THSD7B: variants seen among roughly 807,000 people sequenced by gnomAD.
THSD7B encodes the protein thrombospondin type 1 domain containing 7B, also known as thrombospondin type-1 domain-containing protein 7B.
In THSD7B, 138 loss-of-function variants were observed where a neutral mutation model predicts 213.6. The ratio of observed to expected loss-of-function variants is 0.65; its 90% confidence interval spans 0.56 to 0.74. The LOEUF (loss-of-function observed/expected upper bound fraction) is 0.74, where lower values mean the gene tolerates loss of function less well. THSD7B is among the 30% of genes least tolerant of loss of function. THSD7B has a pLI of 0.00. For synonymous variants in THSD7B, 742 were observed against 687.0 expected (o/e 1.08, Z -1.25); for missense variants, 1,931 against 1,991.5 (o/e 0.97, Z 0.58).
chr2:137,169,482 CCTT>C (rs1035864022), intron 6 of THSD7B, among the ~76,000 whole-genome samples: 2 of 151,908 alleles, frequency 1.3e-5, no homozygotes, highest in Non-Finnish European at 2.9e-5. Context: ...CCTAACTTGT[CCTT>C]CTCCCCTCCC....
At chr2:136,841,123 C>A (rs567437989) in intron 1 of THSD7B, among the ~76,000 whole-genome samples, 106 of 152,182 alleles carry the variant, frequency 7.0e-4, no homozygotes, top group African/African-American at 2.6e-3. Context: ...ATTTTACATA[C>A]CAGTAACTGG....
At chr2:137,428,905 G>A (rs1334164508) in intron 14 of THSD7B, among the ~76,000 whole-genome samples, 1 of 152,122 alleles carries the variant, frequency 6.6e-6, no homozygotes, top group Non-Finnish European at 1.5e-5. Flanking sequence ...TCATAAACAG[G>A]CTTGAGGGAA....
chr2:137,130,249 A>T (rs1688704677), intron 5 of THSD7B, among the ~76,000 whole-genome samples: 1 of 152,136 alleles, frequency 6.6e-6, no homozygotes, highest in Admixed American at 6.5e-5. Context: ...CACATAATGT[A>T]TGTCTAGTTT....
intron 12 of THSD7B, among the ~76,000 whole-genome samples, chr2:137,326,106 C>T (rs1684368960): frequency 6.6e-6 from 1 of 152,108 alleles, no homozygotes; most frequent in South Asian, 2.1e-4. Context: ...AGTTTGGATT[C>T]TTGACCTAGT....
chr2:137,449,736 A>ATC lies in THSD7B; in HGVS notation c.2960-1097_2960-1096dup, dbSNP rs897870543. Among the ~76,000 whole-genome samples the ATC allele has an allele frequency of 7.9e-5, 12 of 151,986 alleles. No homozygotes were observed. In the East Asian group the frequency reaches 1.2e-3, roughly 15 times the overall value. ...TTTCTTTTTCAAGGCCAGCAGGAGA[A>ATC]TCTCTCTCTCTCTACACAAAAGGAC... is the stretch of plus-strand genomic sequence containing the variant. On this transcript the variant is annotated intron_variant, in intron 14 of 27. Transcript: ENST00000409968.
In THSD7B at chr2:136,866,893, G is replaced by T. The variant is rs545160499; in HGVS notation, c.-35-15251G>T. 2.0e-5 allele frequency among the ~76,000 whole-genome samples: 3 copies of T among 152,170 alleles called. No homozygotes were observed. In the South Asian group the frequency reaches 6.2e-4, roughly 32 times the overall value. ...CAGCGTTTTGGAAGGAGCCTAATTG[G>T]TAATCAATTTTCCATATGTGTTTGA... On this transcript the variant is annotated intron_variant, in intron 1 of 27. Coordinates refer to ENST00000409968, the MANE Select transcript of THSD7B (RefSeq NM_001316349.2).
At chr2:137,576,342 T>C (rs1681460540) in intron 17 of THSD7B, among the ~76,000 whole-genome samples, 1 of 152,096 alleles carries the variant, frequency 6.6e-6, no homozygotes, top group Non-Finnish European at 1.5e-5. Flanking sequence ...AGCAAACCTG[T>C]TTGAACTTTG....
At chr2:137,282,536 AG>A (rs1240716167) in intron 12 of THSD7B, among the ~76,000 whole-genome samples, 31 of 152,142 alleles carry the variant, frequency 2.0e-4, no homozygotes, top group Non-Finnish European at 3.5e-4. Flanking sequence ...TTATGGTTTT[AG>A]GTCTAACATT....
rs533127581 is a variant in THSD7B at position 136,882,074 on chromosome 2, A to G, written c.-35-70A>G. The G allele has an allele frequency of 1.4e-5, 17 of 1,216,326 alleles. No homozygotes were observed. In the African/African-American group the frequency reaches 2.7e-4, roughly 19 times the overall value. 75.3% of individuals were successfully genotyped at this position (1,216,326 alleles called of 1,614,324 possible). ...GCAATACCATCATAATAAAGGTTCT[A>G]GCAGTCAAAATGAGTTGTTATCTTT... On this transcript the variant is annotated intron_variant, in intron 1 of 27. Coordinates refer to ENST00000409968, the MANE Select transcript of THSD7B (RefSeq NM_001316349.2).
At chr2:137,432,363 C>A (rs62167971) in intron 14 of THSD7B, among the ~76,000 whole-genome samples, 1 of 152,092 alleles carries the variant, frequency 6.6e-6, no homozygotes, top group Admixed American at 6.5e-5. Context: ...TGCGCTCCAG[C>A]CTGCCGACAG....
In THSD7B at chr2:137,171,595, C is replaced by T. The variant is rs533230491; in HGVS notation, c.1723+657C>T. Among the ~76,000 whole-genome samples the T allele has an allele frequency of 2.0e-5, 3 of 152,226 alleles. No homozygotes were observed. In the South Asian group the frequency reaches 6.2e-4, roughly 32 times the overall value. On this transcript the variant is annotated intron_variant, in intron 7 of 27. Coordinates refer to ENST00000409968, the MANE Select transcript of THSD7B (RefSeq NM_001316349.2). ...GAAAAGTGACATGTAAAACCTTGAT[C>T]CTGAACTTGAAAAAAATTTCAGTAC... is the stretch of plus-strand genomic sequence containing the variant.
intron 3 of THSD7B, among the ~76,000 whole-genome samples, chr2:137,088,162 C>G (rs1687875647): frequency 1.3e-5 from 2 of 152,106 alleles, no homozygotes; most frequent in South Asian, 4.2e-4. Flanking sequence ...ATTGCTTGAA[C>G]CCAGGAGGTG....
At chr2:137,077,834 A>T (rs937951570) in intron 3 of THSD7B, among the ~76,000 whole-genome samples, 1 of 151,800 alleles carries the variant, frequency 6.6e-6, no homozygotes, top group African/African-American at 2.4e-5. Flanking sequence ...GTTTAATTAG[A>T]TCCCATTTGT....
At chr2:137,634,722 G>C (rs1397113368) in intron 20 of THSD7B, among the ~76,000 whole-genome samples, 2 of 152,176 alleles carry the variant, frequency 1.3e-5, no homozygotes, top group African/African-American at 4.8e-5. Context: ...TACTGCATTT[G>C]ACTTCCTTTC....
intron 12 of THSD7B, among the ~76,000 whole-genome samples, chr2:137,348,495 A>C (rs1684930089): frequency 6.6e-6 from 1 of 151,674 alleles, no homozygotes; most frequent in Non-Finnish European, 1.5e-5. Context: ...AGTGTGCCAG[A>C]AATGTCCTTA....
intron 1 of THSD7B, among the ~76,000 whole-genome samples, chr2:136,856,871 C>T (rs1683188160): frequency 2.0e-5 from 3 of 152,116 alleles, no homozygotes; most frequent in African/African-American, 7.2e-5. Flanking sequence ...TTCCTTGAAT[C>T]TTCAGTTTAG....
chr2:137,295,756 G>A (rs539460357), intron 12 of THSD7B, among the ~76,000 whole-genome samples: 1 of 152,262 alleles, frequency 6.6e-6, no homozygotes, highest in Non-Finnish European at 1.5e-5. Context: ...TTACAGGCAT[G>A]AGCCACCACA....
intron 15 of THSD7B, among the ~76,000 whole-genome samples, chr2:137,464,566 C>T (rs1029440531): frequency 2.0e-5 from 3 of 152,000 alleles, no homozygotes; most frequent in African/African-American, 7.2e-5. Context: ...CTGAGAGTCC[C>T]TGGTGGAGGG....
chr2:137,296,910 T>C (rs912092658), intron 12 of THSD7B, among the ~76,000 whole-genome samples: 2 of 151,974 alleles, frequency 1.3e-5, no homozygotes, highest in African/African-American at 4.8e-5. Flanking sequence ...TCTCCTCAAC[T>C]GAAAAGACAT....
Sources: allele counts gnomAD v4.1 joint callset (sites outside exome capture counted in the v4.1 genomes callset), GRCh38; gene constraint gnomAD v4.1.1; transcripts MANE v1.5; gene names NCBI Gene and HGNC (gene_info 2026-07-23, HGNC 2026-07-21).